The following SIK2 variants were observed in gnomAD, a reference collection of about 807,000 sequenced individuals.
The protein encoded by SIK2 is serine/threonine-protein kinase SIK2.
A neutral mutation model predicts 103.2 loss-of-function variants in SIK2; 29 were observed. That is an observed-to-expected ratio of 0.28 (90% confidence interval 0.21 to 0.38). The LOEUF (loss-of-function observed/expected upper bound fraction) is 0.38. SIK2 is among the 10% of genes least tolerant of loss of function. The pLI, the probability that SIK2 is intolerant of heterozygous loss-of-function variation, is 1.00. For synonymous variants in SIK2, 412 were observed against 446.1 expected, an observed-to-expected ratio of 0.92 and a Z score of 0.96; for missense variants, 879 against 1,171.0, an observed-to-expected ratio of 0.75 and a Z score of 3.64.
At chr11:111,612,870 A>G (rs1027504782) in intron 1 of SIK2, among the ~76,000 whole-genome samples, 1 of 148,560 alleles carries the variant, frequency 6.7e-6, no homozygotes, top group Admixed American at 6.8e-5. Context: ...TTAGAGAAGC[A>G]TAATCCTCTC....
chr11:111,618,480 C>A (rs1941837708), intron 2 of SIK2, among the ~76,000 whole-genome samples: 1 of 152,102 alleles, frequency 6.6e-6, no homozygotes, highest in African/African-American at 2.4e-5. Context: ...CCTAAAAATA[C>A]TAAAACTACA....
In SIK2 at chr11:111,721,866, C is replaced by G. The variant is rs1943811977; in HGVS notation, c.1981C>G (p.Leu661Val). 6.2e-7 allele frequency: 1 copy of G among 1,612,892 alleles called. No homozygotes were observed. Among genetic ancestry groups the G allele is most frequent in the South Asian group, 1.1e-5 (1 of 90,968 alleles). The change falls in exon 13 of 15, where the codon CTC (leucine) becomes GTC (valine). Residue 661 changes from leucine (L) to valine (V), a missense_variant. Around this residue, in one of 7 missense-constraint regions of SIK2, gnomAD observed 375 missense variants for 416.3 expected, o/e 0.90. Coordinates refer to ENST00000304987, the MANE Select transcript of SIK2 (RefSeq NM_015191.3). ...TCAGCAGCAGGAAAGCGTCTCCACT[C>G]TCCCTGCCAGCGTGCATCCCCAGCT... is the stretch of plus-strand genomic sequence containing the variant. ...VSQQQESVSTLPASVHPQLSP... is the reference protein window; with the variant it reads ...VSQQQESVSTVPASVHPQLSP...
chr11:111,686,433 C>CTT (rs1361770704), intron 3 of SIK2, among the ~76,000 whole-genome samples: 1 of 152,122 alleles, frequency 6.6e-6, no homozygotes, highest in Non-Finnish European at 1.5e-5. Context: ...AGACAAGACT[C>CTT]TGTCTCGAAA....
chr11:111,617,046 A>G (rs565355310), intron 2 of SIK2, among the ~76,000 whole-genome samples: 2 of 152,344 alleles, frequency 1.3e-5, no homozygotes, highest in South Asian at 2.1e-4. Flanking sequence ...ATTTTAGTAG[A>G]TAAAATAAAT....
At chr11:111,662,009 A>G (rs934801042) in intron 3 of SIK2, among the ~76,000 whole-genome samples, 1 of 152,180 alleles carries the variant, frequency 6.6e-6, no homozygotes, top group African/African-American at 2.4e-5. Context: ...ATATTTTCCA[A>G]ACTTTCTTAG....
At chr11:111,657,600 G>T (rs1419083582) in intron 3 of SIK2, among the ~76,000 whole-genome samples, 1 of 151,900 alleles carries the variant, frequency 6.6e-6, no homozygotes, top group East Asian at 1.9e-4. Flanking sequence ...TGTTGCCCAG[G>T]CTGGCCTCGA....
At chr11:111,723,092 C>A (rs1471099383) in intron 14 of SIK2, among the ~76,000 whole-genome samples, 1 of 152,236 alleles carries the variant, frequency 6.6e-6, no homozygotes, top group Non-Finnish European at 1.5e-5. Flanking sequence ...CCCTTACTAT[C>A]ATGTGTGCCC....
chr11:111,662,211 G>A (rs1307006349), intron 3 of SIK2, among the ~76,000 whole-genome samples: 1 of 152,138 alleles, frequency 6.6e-6, no homozygotes, highest in East Asian at 1.9e-4. Context: ...GGAAGCTATT[G>A]GAATATTTTG....
chr11:111,649,881 AAATT>A (rs892526719), intron 3 of SIK2, among the ~76,000 whole-genome samples: 9 of 152,160 alleles, frequency 5.9e-5, no homozygotes, highest in Admixed American at 3.3e-4. Flanking sequence ...TTTTTTAAAA[AAATT>A]AATTGTGCTA....
At chr11:111,658,609 G>A (rs1309325810) in intron 3 of SIK2, among the ~76,000 whole-genome samples, 1 of 152,082 alleles carries the variant, frequency 6.6e-6, no homozygotes, top group Non-Finnish European at 1.5e-5. Context: ...CAGGCACAGT[G>A]GCATATGCCT....
At chr11:111,687,455 C>T (rs1942860484) in intron 3 of SIK2, among the ~76,000 whole-genome samples, 1 of 146,702 alleles carries the variant, frequency 6.8e-6, no homozygotes, top group Non-Finnish European at 1.5e-5. Flanking sequence ...GTGGAGGTTA[C>T]AGTGAGCTGA....
intron 3 of SIK2, among the ~76,000 whole-genome samples, chr11:111,670,049 TATTATA>T (rs1468289829): frequency 6.6e-6 from 1 of 152,218 alleles, no homozygotes; most frequent in Non-Finnish European, 1.5e-5. Flanking sequence ...GAAAACATCC[TATTATA>T]ATTATTCTCC....
Position 111,639,029 on chromosome 11 carries a change from G to T in SIK2, c.316+18627G>T, listed in dbSNP as rs1272750255. Among the ~76,000 whole-genome samples, 7 of 152,156 alleles carry T rather than the reference G, an allele frequency of 4.6e-5. No homozygotes were observed. In the East Asian group the frequency reaches 1.3e-3, roughly 29 times the overall value. On this transcript the variant is annotated intron_variant, in intron 3 of 14. Transcript: ENST00000304987. ...CTTGATCTTTTCAAGTTTTGTTAGT[G>T]TTGGGGTTGCAGTAGCCCTATGCTA... is the stretch of plus-strand genomic sequence containing the variant.
Position 111,694,368 on chromosome 11 carries a change from T to C in SIK2, c.478+6206T>C, listed in dbSNP as rs1362349949. ...TGAGAGAGACCTTAAATGTAATTAG[T>C]ATTGTATAATTAGCCTGATTAATCT... On this transcript the variant is annotated intron_variant, in intron 4 of 14. Transcript: ENST00000304987. 2.0e-5 allele frequency among the ~76,000 whole-genome samples: 3 copies of C among 152,332 alleles called. No individual in the cohort carries two copies. In the East Asian group the frequency reaches 5.8e-4, roughly 29 times the overall value.
At chr11:111,603,072 T>TG (rs1365789109) in intron 1 of SIK2, among the ~76,000 whole-genome samples, 1 of 123,194 alleles carries the variant, frequency 8.1e-6, no homozygotes, top group African/African-American at 3.0e-5. Flanking sequence ...CGGCTGGGGG[T>TG]GGGGTGGGAG....
intron 1 of SIK2, among the ~76,000 whole-genome samples, chr11:111,605,885 C>T (rs868301450): frequency 4.0e-5 from 6 of 151,748 alleles, no homozygotes; most frequent in South Asian, 4.2e-4. Context: ...TGTTAGATCT[C>T]GATGTGAATT....
chr11:111,707,046 T>G (rs1943368987), intron 8 of SIK2, among the ~76,000 whole-genome samples: 1 of 151,986 alleles, frequency 6.6e-6, no homozygotes, highest in African/African-American at 2.4e-5. Flanking sequence ...TTAGGGTATC[T>G]TTGAGCACTT....
chr11:111,720,092 C>T, intron 10 of SIK2, 89 bp downstream of exon 10: 2 of 1,297,586 alleles, frequency 1.5e-6, no homozygotes, highest in South Asian at 2.6e-5. Flanking sequence ...CCAGCCAACA[C>T]CTAAAATTGA....
At chr11:111,706,332 T>C (rs2155571) in intron 8 of SIK2, among the ~76,000 whole-genome samples, 1 of 152,166 alleles carries the variant, frequency 6.6e-6, no homozygotes, top group South Asian at 2.1e-4. Context: ...AAGATAGGGG[T>C]GGCATTAACT....
Sources: gnomAD v4.1 joint callset for allele counts (sites outside exome capture counted in the v4.1 genomes callset) on GRCh38, gnomAD v4.1.1 for gene constraint, gnomAD v4.1.1 regional missense constraint, MANE v1.5 for transcripts, NCBI Gene and HGNC (gene_info 2026-07-23, HGNC 2026-07-21) for gene names.